GPR143: variants seen among roughly 807,000 people sequenced by gnomAD.
GPR143 encodes G protein-coupled receptor 143.
Under a neutral mutation model 27.6 loss-of-function variants are expected in GPR143, and 8 were observed. That is an observed-to-expected ratio of 0.29 (90% CI 0.17 to 0.52). The LOEUF is 0.52. Ranked by LOEUF, GPR143 falls within the 20% of genes least tolerant of loss-of-function variation. GPR143 has a pLI of 0.96. For synonymous variants in GPR143, 156 were observed against 153.2 expected (o/e 1.02, Z -0.13); for missense variants, 303 against 343.1 (o/e 0.88, Z 0.92).
At chrX:9,766,903 T>TCTCACACA (rs1379433308), upstream of GPR143, among the ~76,000 whole-genome samples, 58 of 86,918 alleles carry the variant, frequency 6.7e-4, no homozygotes, top group Middle Eastern at 5.5e-3. Context: ...TCTCTCTCTC[T>TCTCACACA]CACACACACA....
chrX:9,768,047 ACT>A (rs779871677), upstream of GPR143, among the ~76,000 whole-genome samples: 17 of 111,091 alleles, frequency 1.5e-4, no homozygotes, highest in Non-Finnish European at 2.8e-4. Flanking sequence ...GCTCTGGCTG[ACT>A]CTGGTGCCCA....
intron 8 of GPR143, among the ~76,000 whole-genome samples, chrX:9,728,806 C>T (rs1432449405): frequency 9.9e-6 from 1 of 101,094 alleles, no homozygotes; most frequent in African/African-American, 4.1e-5. Context: ...GAGTGAGATC[C>T]CACCTCAAAA....
intron 3 of GPR143, among the ~76,000 whole-genome samples, chrX:9,754,867 C>T (rs924412317): frequency 1.1e-4 from 12 of 111,404 alleles, no homozygotes; most frequent in Admixed American, 4.8e-4. Flanking sequence ...CACTCTGAGA[C>T]GCTTCTTCTA....
At chrX:9,734,307 C>T (rs955474820) in intron 8 of GPR143, among the ~76,000 whole-genome samples, 6 of 109,538 alleles carry the variant, frequency 5.5e-5, no homozygotes, top group African/African-American at 1.0e-4. Flanking sequence ...AATACAGAAT[C>T]GGGGAAAATA....
intron 1 of GPR143, among the ~76,000 whole-genome samples, chrX:9,773,702 GTC>G (rs1179913319): frequency 9.8e-6 from 1 of 102,204 alleles, no homozygotes; most frequent in Non-Finnish European, 2.0e-5. Flanking sequence ...GCAAAACCCT[GTC>G]TCTACCAAAA....
In GPR143 at chrX:9,748,683, A is replaced by G. The variant is rs2083439044; in HGVS notation, c.456-17T>C. On this transcript the variant is annotated splice_polypyrimidine_tract_variant and intron_variant, in intron 3 of 8. Coordinates refer to ENST00000467482, the MANE Select transcript of GPR143 (RefSeq NM_000273.3). ...AGGATGGTGCTAGGGGACAAGCACA[A>G]CAGCAGCCACAGCTCAGTGGGGCAC... 1 of 1,081,964 alleles carries G rather than the reference A, an allele frequency of 9.2e-7. No homozygotes were observed. Among genetic ancestry groups the G allele is most frequent in the Non-Finnish European group, 1.3e-6 (1 of 779,255 alleles). The allele number at this position is 1,081,964 out of a possible 1,213,427, so 89.2% of individuals were successfully genotyped here.
rs752477509 is a variant in GPR143, at chrX:9,771,709, C to CTTTTTTTTTTTTTTTTTTTTTTTT, written c.-2-10884_-2-10883insAAAAAAAAAAAAAAAAAAAAAAAA. 7.5e-5 allele frequency among the ~76,000 whole-genome samples: 7 copies of CTTTTTTTTTTTTTTTTTTTTTTTT among 92,818 alleles called. 2 individuals are homozygous for CTTTTTTTTTTTTTTTTTTTTTTTT. The highest frequency in any genetic ancestry group is 8.3e-5 in the Non-Finnish European group (4 of 48,104). The allele number at this position is 92,818 out of a possible 115,157, so 80.6% of individuals were successfully genotyped here. A position where few individuals can be genotyped will look rare whatever the true frequency, so the allele number is the denominator to read the frequency against. ...CCAACTAAGCCATGGAGCATTCTCT[C>CTTTTTTTTTTTTTTTTTTTTTTTT]TCTTTTTTTTTTTTTTTTGGATGGA... is the stretch of plus-strand genomic sequence containing the variant. On this transcript the variant is annotated intron_variant, in intron 1 of 7. Transcript: ENST00000447366.
intron 8 of GPR143, among the ~76,000 whole-genome samples, chrX:9,730,634 T>C (rs1243644793): frequency 8.9e-6 from 1 of 112,035 alleles, no homozygotes; most frequent in Non-Finnish European, 1.9e-5. Flanking sequence ...ATTCTGTGTA[T>C]GCATGGTGCT....
chrX:9,764,684 A>G (rs2083520081), intron 1 of GPR143, among the ~76,000 whole-genome samples: 2 of 111,302 alleles, frequency 1.8e-5, no homozygotes, highest in Non-Finnish European at 3.8e-5. Context: ...CGGATTTTTT[A>G]AAACCCAACG....
chrX:9,768,675 C>CTT (rs752205560), upstream of GPR143, among the ~76,000 whole-genome samples: 2 of 101,409 alleles, frequency 2.0e-5, no homozygotes, highest in Non-Finnish European at 2.0e-5. Flanking sequence ...AGATGACAAA[C>CTT]TTTTTTTTTT....
rs745458128 is a variant in GPR143, at chrX:9,739,633, C to T, written c.972G>A (p.Arg324=). The T allele has an allele frequency of 1.7e-6, 2 of 1,203,134 alleles. No individual in the cohort carries two copies. The highest frequency in any genetic ancestry group is 2.2e-6 in the Non-Finnish European group (2 of 890,044). ...TGCSLGFQSP[R]KEIQWESLTT... Reference sequence around the variant, plus strand: ...TCAGTGATTCCCACTGGATCTCCTTCCTGGGAGACTGAAAACCCAGGCTGC... The same window carrying T: ...TCAGTGATTCCCACTGGATCTCCTTTCTGGGAGACTGAAAACCCAGGCTGC... The change falls in exon 8 of 9, where the codon AGG becomes AGA. Residue 324 remains arginine (R), a synonymous_variant. Transcript: ENST00000467482.
At chrX:9,761,647 A>C (rs1230355516) in intron 1 of GPR143, among the ~76,000 whole-genome samples, 2 of 112,229 alleles carry the variant, frequency 1.8e-5, no homozygotes, top group Non-Finnish European at 3.8e-5. Context: ...AACATTTAAA[A>C]TTTTCACAAA....
chrX:9,758,286 A>T (rs1285601207), intron 3 of GPR143, among the ~76,000 whole-genome samples: 1 of 112,015 alleles, frequency 8.9e-6, no homozygotes, highest in Non-Finnish European at 1.9e-5. Flanking sequence ...GCTGATAGGT[A>T]TCAAGAGCTG....
intron 8 of GPR143, 56 bp from the exon 9 acceptor site, chrX:9,725,896 C>T: frequency 9.0e-7 from 1 of 1,116,126 alleles, no homozygotes; most frequent in Middle Eastern, 2.5e-4. Flanking sequence ...GGTTTGTCAT[C>T]AGCTTCAGAA....
chrX:9,748,845 T>A (rs2083439850), intron 3 of GPR143, among the ~76,000 whole-genome samples, 179 bp from the exon 4 acceptor site: 1 of 112,792 alleles, frequency 8.9e-6, no homozygotes, highest in Non-Finnish European at 1.9e-5. Context: ...GAGGTGAAAT[T>A]CACATCACAT....
intron 5 of GPR143, among the ~76,000 whole-genome samples, chrX:9,745,471 G>A (rs1003829430): frequency 6.3e-5 from 7 of 111,821 alleles, no homozygotes; most frequent in Admixed American, 2.8e-4. Flanking sequence ...CTCACTCCAG[G>A]ACACACTTCC....
intron 4 of GPR143, chrX:9,747,859 G>A (rs1285600239): frequency 1.8e-5 from 2 of 112,144 alleles, no homozygotes; most frequent in African/African-American, 3.2e-5. Flanking sequence ...TTACAAAAAC[G>A]GAAGAACGCC....
intron 1 of GPR143, among the ~76,000 whole-genome samples, chrX:9,761,151 T>C (rs1879614156): frequency 9.0e-6 from 1 of 111,534 alleles, no homozygotes; most frequent in Non-Finnish European, 1.9e-5. Flanking sequence ...TGCAGTACAG[T>C]GGTAAAAACC....
chrX:9,738,588 G>A (rs1380887685), intron 8 of GPR143: 32 of 600,251 alleles, frequency 5.3e-5, no homozygotes, highest in Non-Finnish European at 6.0e-5. Context: ...CTTGTCACCT[G>A]AAAGTGAAAC....
Sources: gnomAD v4.1 joint callset for allele counts (sites outside exome capture counted in the v4.1 genomes callset) on GRCh38, gnomAD v4.1.1 for gene constraint, MANE v1.5 for transcripts, NCBI Gene and HGNC (gene_info 2026-07-23, HGNC 2026-07-21) for gene names.